Variants in EEF1AKMT3 observed in about 807,000 individuals in gnomAD.
EEF1AKMT3 encodes eEF1A-KMT3.
Under a neutral mutation model 17.8 loss-of-function variants are expected in EEF1AKMT3, and 17 were observed. The ratio of observed to expected loss-of-function variants is 0.96; its 90% confidence interval spans 0.65 to 1.43. The LOEUF is 1.43. Ranked by LOEUF, EEF1AKMT3 falls within the 40% of genes most tolerant of loss-of-function variation. EEF1AKMT3 has a pLI of 0.00. For missense variants in EEF1AKMT3, 244 were observed against 285.8 expected, an observed-to-expected ratio of 0.85 and a Z score of 1.06; for synonymous variants, 116 against 126.5, an observed-to-expected ratio of 0.92 and a Z score of 0.56.
rs1344843356 is a variant in EEF1AKMT3, at chr12:57,782,510, G to T, written c.*1864G>T. 2.3e-6 allele frequency: 1 copy of T among 432,334 alleles called. No individual in the cohort carries two copies. Among genetic ancestry groups the T allele is most frequent in the Non-Finnish European group, 4.2e-6 (1 of 240,042 alleles). The allele number at this position is 432,334 out of a possible 1,614,324, so 26.8% of individuals were successfully genotyped here. A position where few individuals can be genotyped will look rare whatever the true frequency, so the allele number is the denominator to read the frequency against. On this transcript the variant is annotated 3_prime_UTR_variant, in exon 3 of 3. Transcript: ENST00000300209. ...ATAAATGGATAATGAATATAAATGC[G>T]CATTGAAAATAAACATAAAATGTTA... is the stretch of plus-strand genomic sequence containing the variant.
intron 2 of EEF1AKMT3, among the ~76,000 whole-genome samples, chr12:57,775,485 G>A (rs1183696244): frequency 6.6e-6 from 1 of 150,846 alleles, no homozygotes; most frequent in Non-Finnish European, 1.5e-5. Flanking sequence ...GGGTTCAACC[G>A]ATTCTCCTGC....
At position 57,780,242 on chromosome 12, in the gene EEF1AKMT3, TC is replaced by T; in HGVS notation, c.290-11del. 5.6e-6 allele frequency: 9 copies of T among 1,607,222 alleles called. No individual in the cohort carries two copies. The highest frequency in any genetic ancestry group is 6.8e-6 in the Non-Finnish European group (8 of 1,178,384). ...TCCTCTGACTTGCATTTTTCCTCCT[TC>T]CTCTCTCTCAGGGGGGGATGTTACC... On this transcript the variant is annotated splice_polypyrimidine_tract_variant and intron_variant, in intron 2 of 2. Coordinates refer to ENST00000300209, the MANE Select transcript of EEF1AKMT3 (RefSeq NM_015433.3).
chr12:57,772,850 C>T lies in EEF1AKMT3; in HGVS notation c.126C>T (p.Ile42=). 1 of 1,614,196 alleles carries T rather than the reference C, an allele frequency of 6.2e-7. No homozygotes were observed. Residue 42 remains isoleucine (I), a synonymous_variant, in exon 1 of 3, where the codon ATC becomes ATT. Transcript: ENST00000300209. The surrounding 1 kb of genome is among the most constrained non-coding windows in gnomAD (Gnocchi z 4.1). ...QFCFCGHVLT[I]TQNFGSRLGV... ...GTTTCTGTGGGCATGTGCTGACCAT[C>T]ACGCAGAACTTTGGGTCCCGCCTCG...
intron 2 of EEF1AKMT3, chr12:57,774,689 G>A (rs1364254857): frequency 6.2e-7 from 1 of 1,612,980 alleles, no homozygotes; most frequent in South Asian, 1.1e-5. Context: ...CTCTGGCGAG[G>A]TATGCGTGGA....
intron 2 of EEF1AKMT3, among the ~76,000 whole-genome samples, chr12:57,778,019 C>CAA (rs35823549): frequency 0.072 from 6,176 of 85,310 alleles, 231 homozygotes; most frequent in Middle Eastern, 0.12. Flanking sequence ...GACTCCATCT[C>CAA]AAAAAAAAAA....
In EEF1AKMT3 at chr12:57,772,871, C is replaced by T. The variant is rs1349035636; in HGVS notation, c.147C>T (p.Arg49=). Residue 49 remains arginine (R), a synonymous_variant, in exon 1 of 3, where the codon CGC becomes CGT. Transcript: ENST00000300209. This position sits in a 1 kb window ranked among gnomAD's most constrained non-coding sequence, Gnocchi z 4.1. ...CCATCACGCAGAACTTTGGGTCCCG[C>T]CTCGGGGTGGCGGCGCGCGTGTGGG... is the stretch of plus-strand genomic sequence containing the variant. The part of the protein sequence containing the change: ...VLTITQNFGS[R]LGVAARVWDA... 1.2e-6 allele frequency: 2 copies of T among 1,614,034 alleles called. No homozygotes were observed. The highest frequency in any genetic ancestry group is 1.3e-5 in the African/African-American group (1 of 74,950).
Position 57,780,777 on chromosome 12 carries a change from C to T in EEF1AKMT3, c.*131C>T, listed in dbSNP as rs905212463. 73 of 1,252,400 alleles carry T rather than the reference C, an allele frequency of 5.8e-5. No individual in the cohort carries two copies. The East Asian group carries it at 1.8e-3, about 31-fold the overall frequency. 77.6% of individuals were successfully genotyped at this position (1,252,400 alleles called of 1,614,324 possible). A position where few individuals can be genotyped will look rare whatever the true frequency, so the allele number is the denominator to read the frequency against. ...TTCCCTGGCCTCTCTCACTTTCCTC[C>T]TTCCCTCTTTGTTACCCCAGATACT... On this transcript the variant is annotated 3_prime_UTR_variant, in exon 3 of 3. Coordinates refer to ENST00000300209, the MANE Select transcript of EEF1AKMT3 (RefSeq NM_015433.3).
chr12:57,774,622 C>A, intron 2 of EEF1AKMT3: 9 of 1,285,214 alleles, frequency 7.0e-6, no homozygotes, highest in Admixed American at 1.8e-5. Flanking sequence ...GATTTTCTCT[C>A]CCCAAGGAGC....
rs2140405803 is a variant in EEF1AKMT3 at position 57,772,736 on chromosome 12, C to T, written c.12C>T (p.Pro4=). The change falls in exon 1 of 3, where the codon CCC becomes CCT. Residue 4 remains proline, a synonymous_variant. Coordinates refer to ENST00000300209, the MANE Select transcript of EEF1AKMT3 (RefSeq NM_015433.3). This position sits in a 1 kb window ranked among gnomAD's most constrained non-coding sequence, Gnocchi z 4.1. MAD[P]GPDPESESES... ...CCTTGGCGGGCCGGATGGCGGACCCCGGCCCAGATCCCGAATCTGAGTCGG... is the reference window on the plus strand; with the variant it reads ...CCTTGGCGGGCCGGATGGCGGACCCTGGCCCAGATCCCGAATCTGAGTCGG... The T allele has an allele frequency of 4.3e-6, 7 of 1,613,058 alleles. No individual in the cohort carries two copies. Among genetic ancestry groups the T allele is most frequent in the East Asian group, 2.2e-5 (1 of 44,864 alleles).
intron 2 of EEF1AKMT3, among the ~76,000 whole-genome samples, chr12:57,775,791 C>T (rs1667317578): frequency 6.6e-6 from 1 of 152,210 alleles, no homozygotes; most frequent in South Asian, 2.1e-4. Flanking sequence ...CACATTTCTC[C>T]CTCAGACTTC....
In EEF1AKMT3 at chr12:57,781,306, C is replaced by T. The variant is rs1485963338; in HGVS notation, c.*660C>T. The T allele has an allele frequency of 6.6e-6, 1 of 152,148 alleles. No individual in the cohort carries two copies. Among genetic ancestry groups the T allele is most frequent in the Admixed American group, 6.5e-5 (1 of 15,274 alleles). 9.4% of individuals were successfully genotyped at this position (152,148 alleles called of 1,614,324 possible). ...AACTCCTGGGCTCAAGTGATCCACC[C>T]GCCTTGCCTCCCAAAGTGCTGGGAT... On this transcript the variant is annotated 3_prime_UTR_variant, in exon 3 of 3. Coordinates refer to ENST00000300209, the MANE Select transcript of EEF1AKMT3 (RefSeq NM_015433.3).
rs777856417 is a variant in EEF1AKMT3 at position 57,772,861 on chromosome 12, T to C, written c.137T>C (p.Phe46Ser). ...CGHVLTITQN[F>S]GSRLGVAARV... Reference sequence around the variant, plus strand: ...CATGTGCTGACCATCACGCAGAACTTTGGGTCCCGCCTCGGGGTGGCGGCG... The same window carrying C: ...CATGTGCTGACCATCACGCAGAACTCTGGGTCCCGCCTCGGGGTGGCGGCG... Residue 46 changes from phenylalanine to serine, a missense_variant, in exon 1 of 3, where the codon TTT (phenylalanine) becomes TCT (serine). Phe to Ser is a radical substitution (Grantham distance 155). Coordinates refer to ENST00000300209, the MANE Select transcript of EEF1AKMT3 (RefSeq NM_015433.3). This position sits in a 1 kb window ranked among gnomAD's most constrained non-coding sequence, Gnocchi z 4.1. 13 of 1,614,032 alleles carry C rather than the reference T, an allele frequency of 8.1e-6. No homozygotes were observed. Among genetic ancestry groups the C allele is most frequent in the South Asian group, 3.3e-5 (3 of 91,090 alleles).
chr12:57,778,308 T>TTTTTTTTTTTTTTTTTTA (rs1955493010), intron 2 of EEF1AKMT3, among the ~76,000 whole-genome samples: 12 of 118,450 alleles, frequency 1.0e-4, no homozygotes, highest in Non-Finnish European at 1.7e-4. Context: ...TTTTTTTTTT[T>TTTTTTTTTTTTTTTTTTA]GAGACAGGTT....
Position 57,780,584 on chromosome 12 carries a change from C to T in EEF1AKMT3, c.619C>T (p.Arg207Trp), listed in dbSNP as rs780672271. The T allele has an allele frequency of 2.0e-5, 32 of 1,613,292 alleles. No individual in the cohort carries two copies. Among genetic ancestry groups the T allele is most frequent in the East Asian group, 6.7e-5 (3 of 44,900 alleles). ...PQHFQLELAQRDEDENVNIYR... is the reference protein window; with the variant it reads ...PQHFQLELAQWDEDENVNIYR... Reference sequence around the variant, plus strand: ...GCATTTCCAACTGGAGCTGGCTCAGCGGGATGAGGATGAAAATGTCAACAT... The same window carrying T: ...GCATTTCCAACTGGAGCTGGCTCAGTGGGATGAGGATGAAAATGTCAACAT... The change falls in exon 3 of 3, where the codon CGG becomes TGG. Residue 207 changes from arginine (R) to tryptophan (W), a missense_variant. By Grantham distance (101) the Arg-to-Trp change is moderately radical. Coordinates refer to ENST00000300209, the MANE Select transcript of EEF1AKMT3 (RefSeq NM_015433.3).
At chr12:57,779,670 C>T (rs1206920873) in intron 2 of EEF1AKMT3, among the ~76,000 whole-genome samples, 1 of 151,794 alleles carries the variant, frequency 6.6e-6, no homozygotes, top group Non-Finnish European at 1.5e-5. Context: ...TCACCCGTTT[C>T]TGCCCTTAAA....
rs572614082 is a variant in EEF1AKMT3, at chr12:57,781,127, C to G, written c.*481C>G. On this transcript the variant is annotated 3_prime_UTR_variant, in exon 3 of 3. Transcript: ENST00000300209. Reference sequence around the variant, plus strand: ...AGGCTGGAGTGCAGTGGTGTGATCACAGCTCACTGCAGCCTCAACCTCTGA... The same window carrying G: ...AGGCTGGAGTGCAGTGGTGTGATCAGAGCTCACTGCAGCCTCAACCTCTGA... 8.1e-4 allele frequency: 135 copies of G among 166,612 alleles called. No individual in the cohort carries two copies. The highest frequency in any genetic ancestry group is 5.7e-3 in the Middle Eastern group (2 of 348). 10.3% of individuals were successfully genotyped at this position (166,612 alleles called of 1,614,324 possible). A position where few individuals can be genotyped will look rare whatever the true frequency, so the allele number is the denominator to read the frequency against.
chr12:57,775,423 C>A (rs1253896584), intron 2 of EEF1AKMT3, among the ~76,000 whole-genome samples: 1 of 151,552 alleles, frequency 6.6e-6, no homozygotes, highest in Non-Finnish European at 1.5e-5. Flanking sequence ...ACTCTGTCAC[C>A]CAAGCTGCAA....
chr12:57,776,950 C>G (rs956379607), intron 2 of EEF1AKMT3, among the ~76,000 whole-genome samples: 3 of 152,166 alleles, frequency 2.0e-5, no homozygotes, highest in Non-Finnish European at 4.4e-5. Context: ...CGCACCTGGG[C>G]TGTTTCTTAT....
intron 2 of EEF1AKMT3, among the ~76,000 whole-genome samples, chr12:57,779,693 C>T (rs952611114): frequency 6.6e-6 from 1 of 152,234 alleles, no homozygotes; most frequent in Non-Finnish European, 1.5e-5. Context: ...TTACTGCCCT[C>T]AGTATCGAAC....
Sources: allele counts gnomAD v4.1 joint callset (sites outside exome capture counted in the v4.1 genomes callset), GRCh38; gene constraint gnomAD v4.1.1; non-coding constraint Gnocchi (gnomAD v3.1); transcripts MANE v1.5; gene names NCBI Gene and HGNC (gene_info 2026-07-23, HGNC 2026-07-21).